The following DLGAP2 variants were observed in gnomAD, a reference collection of about 807,000 sequenced individuals.
DLGAP2 encodes DLG associated protein 2.
In DLGAP2, 26 loss-of-function variants were observed where a neutral mutation model predicts 100.3. The ratio of observed to expected loss-of-function variants is 0.26; its 90% confidence interval spans 0.19 to 0.36. DLGAP2 has a LOEUF of 0.36. Ranked by LOEUF, DLGAP2 falls within the 10% of genes least tolerant of loss-of-function variation. The probability of loss-of-function intolerance (pLI) is 1.00; values close to 1 mark genes in which losing one functional copy is unlikely to be tolerated. For missense variants in DLGAP2, 1,858 were observed against 1,453.2 expected, an observed-to-expected ratio of 1.28 and a Z score of -4.53; for synonymous variants, 886 against 630.1, an observed-to-expected ratio of 1.41 and a Z score of -6.08.
rs1008959117 is a variant in DLGAP2 at position 1,581,751 on chromosome 8, C to A, written c.1442+15857C>A. ...ATACAGATAAAACCCCACACACATA[C>A]ACACACCACAGTCAAACTACCACAA... is the stretch of plus-strand genomic sequence containing the variant. On this transcript the variant is annotated intron_variant, in intron 6 of 14. Transcript: ENST00000637795. 1.1e-4 allele frequency among the ~76,000 whole-genome samples: 17 copies of A among 149,392 alleles called. 1 individual carries two copies. The highest frequency in any genetic ancestry group is 4.2e-4 in the African/African-American group (17 of 40,504).
chr8:863,242 G>A (rs1216002380), intron 1 of DLGAP2, among the ~76,000 whole-genome samples: 2 of 152,216 alleles, frequency 1.3e-5, no homozygotes, highest in African/African-American at 4.8e-5. Flanking sequence ...GTCTGGACAT[G>A]CTCTGCACCA....
intron 2 of DLGAP2, among the ~76,000 whole-genome samples, chr8:1,146,060 C>G (rs1167398643): frequency 6.6e-6 from 1 of 152,124 alleles, no homozygotes; most frequent in Non-Finnish European, 1.5e-5. Context: ...CCTGTCCCCT[C>G]TAACACATCC....
chr8:1,437,890 A>G (rs1282825878), intron 3 of DLGAP2, among the ~76,000 whole-genome samples: 2 of 151,722 alleles, frequency 1.3e-5, no homozygotes, highest in African/African-American at 4.8e-5. Context: ...GGAGGCTGAG[A>G]CAGGAGAATT....
chr8:1,350,815 A>G (rs77680054), intron 3 of DLGAP2, among the ~76,000 whole-genome samples: 746 of 5,558 alleles, frequency 0.13, 88 homozygotes, highest in East Asian at 0.32. Flanking sequence ...TGGAAAGGCC[A>G]TGCGGGTCCT....
chr8:1,640,656 C>T (rs912119607), intron 8 of DLGAP2, among the ~76,000 whole-genome samples: 2 of 152,082 alleles, frequency 1.3e-5, no homozygotes, highest in Admixed American at 6.6e-5. Context: ...CCCTGTGTCC[C>T]GGGTTCAGAG....
At chr8:1,615,015 G>A (rs2130741130) in intron 6 of DLGAP2, among the ~76,000 whole-genome samples, 1 of 152,358 alleles carries the variant, frequency 6.6e-6, no homozygotes, top group South Asian at 2.1e-4. Flanking sequence ...CTGCAGGAGG[G>A]CGGTAGGAAC....
At chr8:1,507,602 G>T (rs1443077972) in intron 4 of DLGAP2, among the ~76,000 whole-genome samples, 1 of 152,182 alleles carries the variant, frequency 6.6e-6, no homozygotes, top group African/African-American at 2.4e-5. Flanking sequence ...TGCGGCCGGA[G>T]TGGGCGCCGA....
chr8:762,280 A>C (rs1290726460), intron 1 of DLGAP2, among the ~76,000 whole-genome samples: 2 of 152,234 alleles, frequency 1.3e-5, no homozygotes, highest in Non-Finnish European at 2.9e-5. Flanking sequence ...ACTTATTACC[A>C]ACGATATGGA....
At chr8:1,043,614 G>A (rs1466098274) in intron 2 of DLGAP2, among the ~76,000 whole-genome samples, 1 of 152,054 alleles carries the variant, frequency 6.6e-6, no homozygotes, top group Non-Finnish European at 1.5e-5. Flanking sequence ...GAGGACTGCA[G>A]TGGGGAAGGG....
chr8:1,345,268 T>TA (rs199689023), intron 3 of DLGAP2, among the ~76,000 whole-genome samples: 2 of 62,814 alleles, frequency 3.2e-5, no homozygotes, highest in African/African-American at 4.3e-5. Context: ...GTGCGGTCTG[T>TA]TTCTCTGCTT....
At chr8:806,257 G>A (rs1796267547) in intron 1 of DLGAP2, among the ~76,000 whole-genome samples, 1 of 152,200 alleles carries the variant, frequency 6.6e-6, no homozygotes, top group African/African-American at 2.4e-5. Flanking sequence ...TTGGAAGCAG[G>A]ATCTGAGGCC....
chr8:912,729 T>C (rs1476762562), intron 2 of DLGAP2, among the ~76,000 whole-genome samples: 3 of 145,626 alleles, frequency 2.1e-5, no homozygotes, highest in Admixed American at 6.8e-5. Flanking sequence ...AGCTGACCCC[T>C]GCGCTATGGT....
At chr8:1,241,567 G>A (rs570333096) in intron 2 of DLGAP2, among the ~76,000 whole-genome samples, 1 of 152,238 alleles carries the variant, frequency 6.6e-6, no homozygotes, top group Non-Finnish European at 1.5e-5. Flanking sequence ...CTTTGATCCA[G>A]TTCTCTCCTG....
chr8:822,011 A>C (rs999664137), intron 1 of DLGAP2: 28 of 397,458 alleles, frequency 7.0e-5, no homozygotes, highest in Non-Finnish European at 1.1e-4. Flanking sequence ...TTTTTAATGT[A>C]CATTCCATTT....
chr8:1,616,849 T>G (rs149318961), intron 6 of DLGAP2, among the ~76,000 whole-genome samples: 3 of 152,186 alleles, frequency 2.0e-5, no homozygotes, highest in African/African-American at 7.2e-5. Context: ...GTAATAAGCA[T>G]TGCACCTAAT....
At position 1,631,724 on chromosome 8, in the gene DLGAP2, T is replaced by C. The variant is rs530049193; in HGVS notation, c.1591-1103T>C. ...TGCTGCCCTTTGCTCACCCCCTGCCTCTCCAGGGTCCATGCTGAGTTAGGC... is the reference window on the plus strand; with the variant it reads ...TGCTGCCCTTTGCTCACCCCCTGCCCCTCCAGGGTCCATGCTGAGTTAGGC... On this transcript the variant is annotated intron_variant, in intron 7 of 14. Coordinates refer to ENST00000637795, the MANE Select transcript of DLGAP2 (RefSeq NM_001346810.2). Among the ~76,000 whole-genome samples, 3 of 152,258 alleles carry C rather than the reference T, an allele frequency of 2.0e-5. No homozygotes were observed. The South Asian group carries it at 6.2e-4, about 32-fold the overall frequency.
chr8:1,587,374 T>C (rs1199761466), intron 6 of DLGAP2, among the ~76,000 whole-genome samples: 1 of 152,212 alleles, frequency 6.6e-6, no homozygotes, highest in African/African-American at 2.4e-5. Context: ...AGAGAGGAAC[T>C]GGCTCTTGGG....
At position 1,581,249 on chromosome 8, in the gene DLGAP2, T is replaced by C. The variant is rs528643881; in HGVS notation, c.1442+15355T>C. Among the ~76,000 whole-genome samples, 29 of 136,674 alleles carry C rather than the reference T, an allele frequency of 2.1e-4. 1 individual carries two copies. Among genetic ancestry groups the C allele is most frequent in the African/African-American group, 7.1e-4 (24 of 34,042 alleles). The allele number at this position is 136,674 out of a possible 152,430, so 89.7% of individuals were successfully genotyped here. On this transcript the variant is annotated intron_variant, in intron 6 of 14. Transcript: ENST00000637795. ...ATACAGACAAAACCCCGCACATATA[T>C]GCACCACAGTCAAACTACCAGAAGA...
At chr8:1,368,156 G>A (rs1802150780) in intron 3 of DLGAP2, among the ~76,000 whole-genome samples, 1 of 152,096 alleles carries the variant, frequency 6.6e-6, no homozygotes, top group Non-Finnish European at 1.5e-5. Context: ...TATTTGTAGT[G>A]CACATACGTG....
Sources: allele counts gnomAD v4.1 joint callset (sites outside exome capture counted in the v4.1 genomes callset), GRCh38; gene constraint gnomAD v4.1.1; transcripts MANE v1.5; gene names NCBI Gene and HGNC (gene_info 2026-07-23, HGNC 2026-07-21).